NOTCH3: variants seen among roughly 807,000 people sequenced by gnomAD.
NOTCH3 encodes the protein neurogenic locus notch homolog protein 3.
Under a neutral mutation model 213.3 loss-of-function variants are expected in NOTCH3, and 86 were observed. The ratio of observed to expected loss-of-function variants is 0.40; its 90% confidence interval spans 0.34 to 0.48. The LOEUF (loss-of-function observed/expected upper bound fraction) is 0.48. NOTCH3 is among the 20% of genes least tolerant of loss of function. The pLI is 0.57. For synonymous variants in NOTCH3, 1,354 were observed against 1,355.9 expected (o/e 1.00, Z 0.03); for missense variants, 2,783 against 3,272.6 (o/e 0.85, Z 3.65).
chr19:15,192,168 G>A lies in NOTCH3; in HGVS notation c.471C>T (p.Ser157=), dbSNP rs558093800. The change falls in exon 4 of 33, where the codon AGC becomes AGT. Residue 157 remains serine (S), a synonymous_variant. Coordinates refer to ENST00000263388, the MANE Select transcript of NOTCH3 (RefSeq NM_000435.3). The stretch of plus-strand genomic sequence containing the variant: ...CACCCACCCGGCACTCATCCACGTC[G>A]CTTCGGCAGCTGCGGCCCTGGTAGC... ...PPGYQGRSCR[S]DVDECRVGEP... 2.8e-5 allele frequency: 45 copies of A among 1,612,766 alleles called. No individual in the cohort carries two copies. The East Asian group carries it at 5.3e-4, about 19-fold the overall frequency.
chr19:15,173,774 G>T lies in NOTCH3; in HGVS notation c.4736+294C>A, dbSNP rs2046762622. Reference sequence around the variant, plus strand: ...AGAAGGAGAAGGAGAAGGAGAAGGAGAAGGAGAAGGAGAAGAAGAAGAAGA... The same window carrying T: ...AGAAGGAGAAGGAGAAGGAGAAGGATAAGGAGAAGGAGAAGAAGAAGAAGA... On this transcript the variant is annotated intron_variant, in intron 25 of 32. Transcript: ENST00000263388. 2.9e-4 allele frequency among the ~76,000 whole-genome samples: 2 copies of T among 6,874 alleles called. 1 individual carries two copies. Among genetic ancestry groups the T allele is most frequent in the African/African-American group, 8.6e-4 (2 of 2,332 alleles). 4.5% of individuals were successfully genotyped at this position (6,874 alleles called of 152,430 possible).
At position 15,173,001 on chromosome 19, in the gene NOTCH3, C is replaced by G. The variant is rs866642951; in HGVS notation, c.4736+1067G>C. On this transcript the variant is annotated intron_variant, in intron 25 of 32. Transcript: ENST00000263388. ...CTCTTCCTCCTCCTCCTCCCCCTCC[C>G]CCTCTTCCTTCTTCTTCCTCTTCCT... 8.5e-5 allele frequency among the ~76,000 whole-genome samples: 9 copies of G among 106,360 alleles called. No homozygotes were observed. In the South Asian group the frequency reaches 2.3e-3, roughly 28 times the overall value. 69.8% of individuals were successfully genotyped at this position (106,360 alleles called of 152,430 possible). A position where few individuals can be genotyped will look rare whatever the true frequency, so the allele number is the denominator to read the frequency against.
Position 15,188,254 on chromosome 19 carries a change from G to T in NOTCH3, c.1473C>A (p.Phe491Leu). 1 of 1,599,756 alleles carries T rather than the reference G, an allele frequency of 6.3e-7. No individual in the cohort carries two copies. The change falls in exon 9 of 33, where the codon TTC (phenylalanine) becomes TTA (leucine). Residue 491 changes from phenylalanine (F) to leucine (L), a missense_variant. Phe to Leu is a conservative substitution (Grantham distance 22). Coordinates refer to ENST00000263388, the MANE Select transcript of NOTCH3 (RefSeq NM_000435.3). ...CCTCACCCGAGGGGCAGGTGCAGCT[G>T]AAGCCATTGACTCGGTCCTTGCAGA... ...GGVCKDRVNG[F>L]SCTCPSGFSG... is the part of the protein sequence containing the mutation.
At chr19:15,190,299 A>G (rs1236094612) in intron 6 of NOTCH3, among the ~76,000 whole-genome samples, 1 of 152,152 alleles carries the variant, frequency 6.6e-6, no homozygotes, top group East Asian at 1.9e-4. Flanking sequence ...TAAATTGCAA[A>G]CATCCACATA....
rs1236684949 is a variant in NOTCH3, at chr19:15,179,234, A to G, written c.3509T>C (p.Leu1170Pro). The G allele has an allele frequency of 6.2e-7, 1 of 1,613,976 alleles. No individual in the cohort carries two copies. The highest frequency in any genetic ancestry group is 8.5e-7 in the Non-Finnish European group (1 of 1,180,006). ...GTGTAGGCACCGGGGCCCTGAGTCC[A>G]GCGGTGGGCCTGGGCCGCAGTCATC... is the stretch of plus-strand genomic sequence containing the variant. ...NEDDCGPGPP[L>P]DSGPRCLHNG... is the part of the protein sequence containing the mutation. The change falls in exon 22 of 33, where the codon CTG becomes CCG. Residue 1170 changes from leucine to proline, a missense_variant. Physicochemically the swap from Leu to Pro is moderately conservative, Grantham distance 98. This residue lies in a region of NOTCH3 where 861 missense variants were observed against 909.1 expected (regional missense o/e 0.95). Coordinates refer to ENST00000263388, the MANE Select transcript of NOTCH3 (RefSeq NM_000435.3).
intron 23 of NOTCH3, chr19:15,178,360 C>G (rs2046810087): frequency 2.0e-6 from 1 of 496,932 alleles, no homozygotes. Flanking sequence ...CTTTTCCCTT[C>G]AAACCTCCAG....
Position 15,165,943 on chromosome 19 carries a change from A to C in NOTCH3, c.5511T>G (p.Arg1837=). ...QGAQLGARTD[R]TGETALHLAA... ...CCAGGTGCAAAGCAGTCTCGCCAGT[A>C]CGGTCAGTCCGTGCCCCAAGCTGAG... The change falls in exon 30 of 33, where the codon CGT becomes CGG. Residue 1837 remains arginine (R), a synonymous_variant. Transcript: ENST00000263388. This position sits in a 1 kb window ranked among gnomAD's most constrained non-coding sequence, Gnocchi z 4.7. 1 of 1,614,186 alleles carries C rather than the reference A, an allele frequency of 6.2e-7. No homozygotes were observed.
In NOTCH3 at chr19:15,185,181, G is replaced by A; in HGVS notation, c.2296+76C>T. On this transcript the variant is annotated intron_variant, in intron 14 of 32. Transcript: ENST00000263388. The surrounding 1 kb of genome is among the most constrained non-coding windows in gnomAD (Gnocchi z 4.2). ...CAAAAAAGAAGCTAACATAGCGGGAGGAGAGAGTAGAGGAGAAGAGAGATG... is the reference window on the plus strand; with the variant it reads ...CAAAAAAGAAGCTAACATAGCGGGAAGAGAGAGTAGAGGAGAAGAGAGATG... 1.9e-6 allele frequency: 3 copies of A among 1,554,782 alleles called. No individual in the cohort carries two copies. Among genetic ancestry groups the A allele is most frequent in the Admixed American group, 1.7e-5 (1 of 59,504 alleles).
chr19:15,180,066 C>G lies in NOTCH3; in HGVS notation c.3327+6G>C, dbSNP rs1004985664. On this transcript the variant is annotated splice_donor_region_variant and intron_variant, in intron 20 of 32. Transcript: ENST00000263388. ...CTCTTCCCTCTCCTGGGGAGCGCCC[C>G]CTTACCTCACACATGTAGCCCCCCA... The G allele has an allele frequency of 6.3e-7, 1 of 1,599,908 alleles. No homozygotes were observed. The highest frequency in any genetic ancestry group is 8.6e-7 in the Non-Finnish European group (1 of 1,168,914).
intron 8 of NOTCH3, 99 bp from the exon 9 acceptor site, chr19:15,188,447 C>T (rs2046901642): frequency 3.7e-6 from 3 of 805,286 alleles, no homozygotes; most frequent in Non-Finnish European, 6.4e-6. Context: ...TCGACAAATC[C>T]CCCGAGCCTT....
At position 15,184,943 on chromosome 19, in the gene NOTCH3, G is replaced by A; in HGVS notation, c.2373C>T (p.Gly791=). Residue 791 remains glycine, a synonymous_variant, in exon 15 of 33, where the codon GGC becomes GGT. Coordinates refer to ENST00000263388, the MANE Select transcript of NOTCH3 (RefSeq NM_000435.3). Reference sequence around the variant, plus strand: ...GGGGGCAGGAGCAGACAGGCAGCTGGCCAGGGGCAGACTCGCAGCGGCCCC... The same window carrying A: ...GGGGGCAGGAGCAGACAGGCAGCTGACCAGGGGCAGACTCGCAGCGGCCCC... The part of the protein sequence containing the change: ...EHGGRCESAP[G]QLPVCSCPQG... 1 of 1,549,870 alleles carries A rather than the reference G, an allele frequency of 6.5e-7. No homozygotes were observed. Among genetic ancestry groups the A allele is most frequent in the Non-Finnish European group, 8.7e-7 (1 of 1,146,190 alleles).
rs1381959540 is a variant in NOTCH3 at position 15,189,097 on chromosome 19, T to C, written c.1270A>G (p.Thr424Ala). Residue 424 changes from threonine (T) to alanine (A), a missense_variant, in exon 8 of 33, where the codon ACT becomes GCT. Physicochemically the swap from Thr to Ala is moderately conservative, Grantham distance 58 (BLOSUM62 0). This residue lies in a region of NOTCH3 where 708 missense variants were observed against 906.6 expected (regional missense o/e 0.78). Coordinates refer to ENST00000263388, the MANE Select transcript of NOTCH3 (RefSeq NM_000435.3). ...SFLCQCGRGY[T>A]GPRCETDVNE... is the part of the protein sequence containing the mutation. ...ACATCGGTCTCACAGCGAGGTCCAG[T>C]GTAGCCACGACCGCACTGGCACAGG... is the stretch of plus-strand genomic sequence containing the variant. 4 of 1,613,218 alleles carry C rather than the reference T, an allele frequency of 2.5e-6. No homozygotes were observed. The highest frequency in any genetic ancestry group is 2.2e-5 in the South Asian group (2 of 91,084).
At chr19:15,197,615 G>A in intron 1 of NOTCH3, 37 bp from the exon 2 acceptor site, 3 of 1,597,620 alleles carry the variant, frequency 1.9e-6, no homozygotes, top group Non-Finnish European at 2.6e-6. Flanking sequence ...GATCAGCCAG[G>A]TGCCCAGGAA....
chr19:15,170,876 C>A (rs1445441843), intron 25 of NOTCH3, 51 bp from the exon 26 acceptor site: 1 of 1,591,166 alleles, frequency 6.3e-7, no homozygotes. Flanking sequence ...GCCCGATGCA[C>A]CCCCTGGTAC....
Position 15,161,517 on chromosome 19 carries a change from G to A in NOTCH3, c.6111C>T (p.His2037=), listed in dbSNP as rs764620593. Residue 2037 remains histidine (H), a synonymous_variant, in exon 33 of 33, where the codon CAC becomes CAT. Coordinates refer to ENST00000263388, the MANE Select transcript of NOTCH3 (RefSeq NM_000435.3). ...GAGGACAGAGCAGAGGCCCCAGGCCGTGGGGACCGGGGGGGCTGCGGGGCC... is the reference window on the plus strand; with the variant it reads ...GAGGACAGAGCAGAGGCCCCAGGCCATGGGGACCGGGGGGGCTGCGGGGCC... ...PSGPRSPPGP[H]GLGPLLCPPG... is the part of the protein sequence containing the mutation. 2.9e-5 allele frequency: 47 copies of A among 1,596,876 alleles called. No homozygotes were observed. Among genetic ancestry groups the A allele is most frequent in the Admixed American group, 1.2e-4 (7 of 57,306 alleles).
intron 25 of NOTCH3, among the ~76,000 whole-genome samples, chr19:15,173,529 C>T (rs2046757695): frequency 6.7e-6 from 1 of 150,268 alleles, no homozygotes; most frequent in Non-Finnish European, 1.5e-5. Flanking sequence ...GCTGGGACTA[C>T]AAGAATATAT....
chr19:15,165,764 T>A lies in NOTCH3; in HGVS notation c.5667+23A>T, dbSNP rs547609607. On this transcript the variant is annotated intron_variant, in intron 30 of 32. Coordinates refer to ENST00000263388, the MANE Select transcript of NOTCH3 (RefSeq NM_000435.3). This position sits in a 1 kb window ranked among gnomAD's most constrained non-coding sequence, Gnocchi z 4.7. ...TCTAATGCCTGCCCCAGCTCTGAGGTCCAAAGTGTGTGCCTATCTCACCTG... is the reference window on the plus strand; with the variant it reads ...TCTAATGCCTGCCCCAGCTCTGAGGACCAAAGTGTGTGCCTATCTCACCTG... 8.1e-6 allele frequency: 13 copies of A among 1,607,678 alleles called. No individual in the cohort carries two copies. The East Asian group carries it at 2.7e-4, about 33-fold the overall frequency.
At position 15,165,928 on chromosome 19, in the gene NOTCH3, A is replaced by G. The variant is rs16980398; in HGVS notation, c.5526T>C (p.Ala1842=). 0.027 allele frequency: 43,070 copies of G among 1,614,030 alleles called. 5,850 individuals carry two copies. The African/African-American group carries it at 0.38, about 14-fold the overall frequency. ...GGGCATAACGGGCAGCCAGGTGCAA[A>G]GCAGTCTCGCCAGTACGGTCAGTCC... The part of the protein sequence containing the change: ...GARTDRTGET[A]LHLAARYARA... The change falls in exon 30 of 33, where the codon GCT becomes GCC. Residue 1842 remains alanine (A), a synonymous_variant. Transcript: ENST00000263388. This position sits in a 1 kb window ranked among gnomAD's most constrained non-coding sequence, Gnocchi z 4.7.
Position 15,184,348 on chromosome 19 carries a change from T to A in NOTCH3, c.2513A>T (p.His838Leu). ...NLAGSFSCTC[H>L]GGYTGPSCDQ... ...GCAGGAAGGGCCAGTGTACCCTCCA[T>A]GGCAGGTGCAGCTGAAACTCCCTGC... The change falls in exon 16 of 33, where the codon CAT becomes CTT. Residue 838 changes from histidine (H) to leucine (L), a missense_variant. By Grantham distance (99) the His-to-Leu change is moderately conservative. Around this residue, in one of 6 missense-constraint regions of NOTCH3, gnomAD observed 861 missense variants for 909.1 expected, o/e 0.95. Coordinates refer to ENST00000263388, the MANE Select transcript of NOTCH3 (RefSeq NM_000435.3). The A allele has an allele frequency of 6.2e-7, 1 of 1,613,922 alleles. No individual in the cohort carries two copies. The highest frequency in any genetic ancestry group is 8.5e-7 in the Non-Finnish European group (1 of 1,179,978).
Sources: allele counts gnomAD v4.1 joint callset (sites outside exome capture counted in the v4.1 genomes callset), GRCh38; gene constraint gnomAD v4.1.1; regional missense constraint gnomAD v4.1.1; non-coding constraint Gnocchi (gnomAD v3.1); transcripts MANE v1.5; gene names NCBI Gene and HGNC (gene_info 2026-07-23, HGNC 2026-07-21).